The following DARS2 variants were observed in gnomAD, a reference collection of about 807,000 sequenced individuals.
DARS2 encodes aspartate--tRNA ligase, mitochondrial.
In DARS2, 63 loss-of-function variants were observed where a neutral mutation model predicts 83.0. That is an observed-to-expected ratio of 0.76 (90% confidence interval 0.62 to 0.94). The LOEUF (loss-of-function observed/expected upper bound fraction) is 0.94. DARS2 is among the 40% of genes least tolerant of loss of function. The pLI is 0.00. For missense variants in DARS2, 675 were observed against 774.4 expected (o/e 0.87, Z 1.52); for synonymous variants, 250 against 269.3 (o/e 0.93, Z 0.70).
In DARS2 at chr1:173,837,525, C is replaced by G. The variant is rs577446499; in HGVS notation, c.770+479C>G. On this transcript the variant is annotated intron_variant, in intron 8 of 16. Transcript: ENST00000649689. ...TGGAATGGCATAGCACAGAAAGTCT[C>G]AAGTGTATCCATGGCACAGTAAAGA... is the stretch of plus-strand genomic sequence containing the variant. Among the ~76,000 whole-genome samples, 21 of 152,216 alleles carry G rather than the reference C, an allele frequency of 1.4e-4. No homozygotes were observed. In the East Asian group the frequency reaches 3.7e-3, roughly 27 times the overall value.
At position 173,834,961 on chromosome 1, in the gene DARS2, T is replaced by G. The variant is rs1199084905; in HGVS notation, c.663+442T>G. 2.6e-5 allele frequency among the ~76,000 whole-genome samples: 4 copies of G among 151,424 alleles called. No individual in the cohort carries two copies. In the East Asian group the frequency reaches 7.8e-4, roughly 29 times the overall value. ...GCCCGGCTAACTTTTGTATTTACTT[T>G]AGTAGAGACGGAGTTTCACCGTTTT... is the stretch of plus-strand genomic sequence containing the variant. On this transcript the variant is annotated intron_variant, in intron 7 of 16. Coordinates refer to ENST00000649689, the MANE Select transcript of DARS2 (RefSeq NM_018122.5).
At chr1:173,825,481 T>TTATTAA (rs1245887271) in intron 1 of DARS2, 125 bp downstream of exon 1, 7 of 454,598 alleles carry the variant, frequency 1.5e-5, no homozygotes, top group African/African-American at 2.2e-5. Flanking sequence ...ATTATTATTA[T>TTATTAA]TATTTGAGAC....
intron 16 of DARS2, 82 bp downstream of exon 16, chr1:173,856,823 G>T: frequency 8.4e-7 from 1 of 1,189,354 alleles, no homozygotes; most frequent in South Asian, 1.2e-5. Flanking sequence ...TGTTGGTAGA[G>T]GTGGAAGGAT....
intron 13 of DARS2, among the ~76,000 whole-genome samples, chr1:173,851,126 G>T (rs1400019453): frequency 6.6e-6 from 1 of 151,092 alleles, no homozygotes; most frequent in Non-Finnish European, 1.5e-5. Context: ...TTTGTATTTT[G>T]TAGTCCCAGT....
chr1:173,853,414 C>T lies in DARS2; in HGVS notation c.1410C>T (p.Leu470=). 5 of 1,614,054 alleles carry T rather than the reference C, an allele frequency of 3.1e-6. No homozygotes were observed. The highest frequency in any genetic ancestry group is 4.2e-6 in the Non-Finnish European group (5 of 1,180,016). ...ADLLETRGVV[L]RDPTLFSFLW... ...TTCTAGAAACAAGAGGAGTGGTGCT[C>T]CGTGACCCCACTCTGTTCTCTTTCC... is the stretch of plus-strand genomic sequence containing the variant. The change falls in exon 14 of 17, where the codon CTC becomes CTT. Residue 470 remains leucine (L), a synonymous_variant. Coordinates refer to ENST00000649689, the MANE Select transcript of DARS2 (RefSeq NM_018122.5).
At chr1:173,847,844 C>CTTTTTTTTTT (rs1160841148) in intron 12 of DARS2, among the ~76,000 whole-genome samples, 1 of 78,614 alleles carries the variant, frequency 1.3e-5, no homozygotes, top group Admixed American at 1.9e-4. Flanking sequence ...CTTTCTGAAC[C>CTTTTTTTTTT]TTTTTTTTTT....
intron 1 of DARS2, 93 bp downstream of exon 1, chr1:173,825,449 C>CATGATT (rs1553200825): frequency 2.2e-6 from 1 of 446,574 alleles, no homozygotes; most frequent in African/African-American, 2.4e-5. Context: ...TTTTTTCCCC[C>CATGATT]ATTATTATTA....
chr1:173,837,060 A>G lies in DARS2; in HGVS notation c.770+14A>G, dbSNP rs1025843142. 17 of 1,597,066 alleles carry G rather than the reference A, an allele frequency of 1.1e-5. No homozygotes were observed. The African/African-American group carries it at 2.0e-4, about 19-fold the overall frequency. ...CGGTTTAGACAGGTGAGCTTTTTTT[A>G]TGCTAGCAGTTGTCAGAAAAGGAAA... On this transcript the variant is annotated intron_variant, in intron 8 of 16. Transcript: ENST00000649689.
intron 2 of DARS2, among the ~76,000 whole-genome samples, chr1:173,828,114 A>C (rs1373254943): frequency 6.6e-6 from 1 of 152,216 alleles, no homozygotes; most frequent in East Asian, 1.9e-4. Flanking sequence ...AATAAAAAAC[A>C]ATCTTTTTTT....
At chr1:173,825,960 C>T (rs1571974716) in intron 1 of DARS2, among the ~76,000 whole-genome samples, 1 of 151,148 alleles carries the variant, frequency 6.6e-6, no homozygotes, top group Admixed American at 6.6e-5. Flanking sequence ...CGGTGGCTCA[C>T]GTCGTTAATC....
chr1:173,830,708 G>C lies in DARS2; in HGVS notation c.343G>C (p.Val115Leu). ...TTTATGTGAAGCCCCTGTGGAATCTGTGGTGCAAGTGTCTGGTACAGTCAT... is the reference window on the plus strand; with the variant it reads ...TTTATGTGAAGCCCCTGTGGAATCTCTGGTGCAAGTGTCTGGTACAGTCAT... ...KILCEAPVESVVQVSGTVISR... is the reference protein window; with the variant it reads ...KILCEAPVESLVQVSGTVISR... Residue 115 changes from valine to leucine, a missense_variant, in exon 4 of 17, where the codon GTG becomes CTG. Val to Leu is a conservative substitution (Grantham distance 32). Coordinates refer to ENST00000649689, the MANE Select transcript of DARS2 (RefSeq NM_018122.5). 2 of 1,614,036 alleles carry C rather than the reference G, an allele frequency of 1.2e-6. No individual in the cohort carries two copies. Among genetic ancestry groups the C allele is most frequent in the East Asian group, 2.2e-5 (1 of 44,884 alleles).
At chr1:173,837,757 A>G (rs868793070) in intron 8 of DARS2, among the ~76,000 whole-genome samples, 1 of 152,010 alleles carries the variant, frequency 6.6e-6, no homozygotes, top group African/African-American at 2.4e-5. Context: ...AAAGCATCAT[A>G]AAAAATAAAA....
At chr1:173,825,652 G>T (rs1332018485) in intron 1 of DARS2, among the ~76,000 whole-genome samples, 1 of 151,020 alleles carries the variant, frequency 6.6e-6, no homozygotes, top group Non-Finnish European at 1.5e-5. Context: ...TGTATTTTTG[G>T]TAGAGCCGGG....
intron 4 of DARS2, among the ~76,000 whole-genome samples, chr1:173,831,260 T>A (rs1652788408): frequency 6.6e-6 from 1 of 150,920 alleles, no homozygotes; most frequent in African/African-American, 2.5e-5. Flanking sequence ...TTACCCAGGC[T>A]GGTCTTGAAC....
chr1:173,845,309 G>A lies in DARS2; in HGVS notation c.1191+18G>A. 6.3e-7 allele frequency: 1 copy of A among 1,585,652 alleles called. No homozygotes were observed. Among genetic ancestry groups the A allele is most frequent in the Non-Finnish European group, 8.7e-7 (1 of 1,154,832 alleles). On this transcript the variant is annotated intron_variant, in intron 12 of 16. Coordinates refer to ENST00000649689, the MANE Select transcript of DARS2 (RefSeq NM_018122.5). ...TTAATCAGGTAAGGAGTTAATTAGA[G>A]CAGTTTTTTTCCTTATACAGATTCA... is the stretch of plus-strand genomic sequence containing the variant.
chr1:173,840,102 C>T (rs1653149894), intron 10 of DARS2, among the ~76,000 whole-genome samples: 1 of 152,112 alleles, frequency 6.6e-6, no homozygotes, highest in Admixed American at 6.6e-5. Context: ...AGAAATTGGT[C>T]CTGCCTGGTC....
intron 9 of DARS2, among the ~76,000 whole-genome samples, chr1:173,838,483 C>T (rs1415019960): frequency 6.6e-6 from 1 of 151,898 alleles, no homozygotes; most frequent in Admixed American, 6.6e-5. Context: ...ACAGGGGCCA[C>T]ACTGTCATTC....
At chr1:173,829,398 T>C (rs548432583) in intron 3 of DARS2, among the ~76,000 whole-genome samples, 13 of 152,234 alleles carry the variant, frequency 8.5e-5, no homozygotes, top group African/African-American at 2.4e-4. Context: ...GTGACGGTAT[T>C]ACTGCTCAAA....
intron 7 of DARS2, 40 bp downstream of exon 7, chr1:173,834,559 A>G: frequency 1.3e-6 from 2 of 1,486,174 alleles, no homozygotes; most frequent in African/African-American, 1.4e-5. Flanking sequence ...ATAATGTCCT[A>G]TTAGTTATAA....
Sources: allele counts gnomAD v4.1 joint callset (sites outside exome capture counted in the v4.1 genomes callset), GRCh38; gene constraint gnomAD v4.1.1; transcripts MANE v1.5; gene names NCBI Gene and HGNC (gene_info 2026-07-23, HGNC 2026-07-21).